Variants in DCP1A observed in about 807,000 individuals in gnomAD.
DCP1A encodes the protein mRNA-decapping enzyme 1A.
Under a neutral mutation model 58.0 loss-of-function variants are expected in DCP1A, and 20 were observed. The ratio of observed to expected loss-of-function variants is 0.34; its 90% CI spans 0.24 to 0.50. The LOEUF (loss-of-function observed/expected upper bound fraction) is 0.50, where lower values mean the gene tolerates loss of function less well. DCP1A is among the 20% of genes least tolerant of loss of function. DCP1A has a pLI of 0.98. For missense variants in DCP1A, 613 were observed against 712.2 expected (o/e 0.86, Z 1.59); for synonymous variants, 285 against 275.1 (o/e 1.04, Z -0.36).
intron 6 of DCP1A, among the ~76,000 whole-genome samples, chr3:53,298,541 T>C (rs781799548): frequency 6.6e-6 from 1 of 152,212 alleles, no homozygotes; most frequent in Non-Finnish European, 1.5e-5. Flanking sequence ...CTAGAGTAGG[T>C]AAATTATTAT....
chr3:53,294,345 T>A (rs1285582532), intron 6 of DCP1A, among the ~76,000 whole-genome samples: 6 of 152,094 alleles, frequency 3.9e-5, no homozygotes, highest in Non-Finnish European at 8.8e-5. Context: ...TGGTGGCTGG[T>A]CAGGTAGGAG....
Position 53,347,379 on chromosome 3 carries a change from T to C in DCP1A, c.135+4A>G. The C allele has an allele frequency of 6.3e-7, 1 of 1,587,986 alleles. No individual in the cohort carries two copies. The highest frequency in any genetic ancestry group is 8.6e-7 in the Non-Finnish European group (1 of 1,167,188). On this transcript the variant is annotated splice_donor_region_variant and intron_variant, in intron 1 of 9. Coordinates refer to ENST00000610213, the MANE Select transcript of DCP1A (RefSeq NM_018403.7). ...GGCCGTCCTCAGGGCCAGGCGGCACTCACCCACTGGTTGGCCTTGGGGCAG... is the reference window on the plus strand; with the variant it reads ...GGCCGTCCTCAGGGCCAGGCGGCACCCACCCACTGGTTGGCCTTGGGGCAG...
At chr3:53,315,706 C>T (rs1322443219) in intron 4 of DCP1A, among the ~76,000 whole-genome samples, 3 of 142,008 alleles carry the variant, frequency 2.1e-5, no homozygotes, top group African/African-American at 5.2e-5. Context: ...CATAGTTTCT[C>T]GTTTTTATAA....
chr3:53,334,053 G>A (rs1258524202), intron 3 of DCP1A, among the ~76,000 whole-genome samples: 1 of 152,114 alleles, frequency 6.6e-6, no homozygotes, highest in African/African-American at 2.4e-5. Flanking sequence ...CTTGAGCCCA[G>A]GAGTTTGAGA....
Position 53,291,979 on chromosome 3 carries a change from T to A in DCP1A, c.1383+90A>T. ...AAAGGGACAACTCTAAAAATTGTCA[T>A]GTCATGACAGTTAAAACCAAGGTCT... On this transcript the variant is annotated intron_variant, in intron 7 of 9. Transcript: ENST00000610213. 2.2e-6 allele frequency: 3 copies of A among 1,387,878 alleles called. No individual in the cohort carries two copies. In the South Asian group the frequency reaches 4.3e-5, roughly 20 times the overall value. 86.0% of individuals were successfully genotyped at this position (1,387,878 alleles called of 1,614,324 possible).
chr3:53,325,609 T>C (rs563212796), intron 3 of DCP1A, among the ~76,000 whole-genome samples: 6 of 152,250 alleles, frequency 3.9e-5, no homozygotes, highest in Admixed American at 2.6e-4. Context: ...ATTTTTTATA[T>C]AGAAAAATGG....
rs879948145 is a variant in DCP1A at position 53,312,495 on chromosome 3, CTTTTT to C, written c.372-121_372-117del. On this transcript the variant is annotated intron_variant, in intron 4 of 9. Transcript: ENST00000610213. ...AAGAGTGTCACATGATGACATTCTT[CTTTTT>C]TTTTTTTTTTTTTGAGATGGAGTCT... 1,342 of 524,974 alleles carry C rather than the reference CTTTTT, an allele frequency of 2.6e-3. 5 individuals carry two copies. The highest frequency in any genetic ancestry group is 0.012 in the African/African-American group (556 of 45,000). The allele number at this position is 524,974 out of a possible 1,614,324, so 32.5% of individuals were successfully genotyped here. A position where few individuals can be genotyped will look rare whatever the true frequency, so the allele number is the denominator to read the frequency against.
chr3:53,347,291 T>G, intron 1 of DCP1A, 92 bp downstream of exon 1: 4 of 1,369,228 alleles, frequency 2.9e-6, no homozygotes, highest in Non-Finnish European at 2.8e-6. Context: ...CCTGGCCTCT[T>G]AGTGTGCCCC....
intron 3 of DCP1A, among the ~76,000 whole-genome samples, chr3:53,333,344 C>G (rs1553691549): frequency 6.6e-6 from 1 of 151,920 alleles, no homozygotes; most frequent in East Asian, 1.9e-4. Context: ...CAAGTTTTCA[C>G]CATCTTGGGC....
At chr3:53,346,372 C>A (rs1203900433) in intron 1 of DCP1A, among the ~76,000 whole-genome samples, 1 of 152,124 alleles carries the variant, frequency 6.6e-6, no homozygotes, top group African/African-American at 2.4e-5. Context: ...ATAATCTATG[C>A]AACTGTATTA....
chr3:53,327,380 G>A (rs1708140320), intron 3 of DCP1A, among the ~76,000 whole-genome samples: 1 of 152,186 alleles, frequency 6.6e-6, no homozygotes, highest in South Asian at 2.1e-4. Context: ...GTGCTGTGTG[G>A]TCACACACGT....
At chr3:53,312,927 T>C (rs1370189282) in intron 4 of DCP1A, among the ~76,000 whole-genome samples, 1 of 152,214 alleles carries the variant, frequency 6.6e-6, no homozygotes, top group African/African-American at 2.4e-5. Flanking sequence ...AATTCCTTCC[T>C]AGAGTTGGCA....
chr3:53,332,220 C>A (rs1553691369), intron 3 of DCP1A, among the ~76,000 whole-genome samples: 1 of 152,146 alleles, frequency 6.6e-6, no homozygotes. Flanking sequence ...AGTCCTAGTG[C>A]CATTTACTGA....
chr3:53,319,533 G>T, intron 3 of DCP1A, 60 bp from the exon 4 acceptor site: 3 of 1,028,550 alleles, frequency 2.9e-6, no homozygotes, highest in Non-Finnish European at 4.4e-6. Context: ...TTGGGTGTAT[G>T]TAAATAATAT....
At chr3:53,307,843 C>A (rs1326124583) in intron 5 of DCP1A, among the ~76,000 whole-genome samples, 1 of 152,160 alleles carries the variant, frequency 6.6e-6, no homozygotes, top group Admixed American at 6.6e-5. Flanking sequence ...AAGGATATAT[C>A]GCCAAGTTCT....
chr3:53,335,545 T>C (rs1341801314), intron 3 of DCP1A, among the ~76,000 whole-genome samples: 2 of 152,240 alleles, frequency 1.3e-5, no homozygotes, highest in Non-Finnish European at 2.9e-5. Context: ...GCTTCAAATA[T>C]TGCCTCTCTA....
chr3:53,335,287 C>A (rs919368469), intron 3 of DCP1A, among the ~76,000 whole-genome samples: 1 of 151,974 alleles, frequency 6.6e-6, no homozygotes, highest in African/African-American at 2.4e-5. Flanking sequence ...ATTACAGGTG[C>A]CCGCCACCAG....
intron 3 of DCP1A, among the ~76,000 whole-genome samples, chr3:53,323,707 C>T (rs967237386): frequency 1.1e-4 from 17 of 151,840 alleles, no homozygotes; most frequent in African/African-American, 4.1e-4. Context: ...ACTAAAAATA[C>T]AAAAATTAGC....
At chr3:53,323,237 T>A (rs1337685022) in intron 3 of DCP1A, among the ~76,000 whole-genome samples, 16 of 152,228 alleles carry the variant, frequency 1.1e-4, no homozygotes, top group African/African-American at 3.4e-4. Context: ...ATGTTTTACA[T>A]CATGGTAAGT....
Sources: allele counts gnomAD v4.1 joint callset (sites outside exome capture counted in the v4.1 genomes callset), GRCh38; gene constraint gnomAD v4.1.1; transcripts MANE v1.5; gene names NCBI Gene and HGNC (gene_info 2026-07-23, HGNC 2026-07-21).